FSTL5: variants seen among roughly 807,000 people sequenced by gnomAD.
FSTL5 encodes follistatin like 5.
FSTL5 carries 62 observed loss-of-function variants against 89.1 expected under a neutral mutation model. The observed-to-expected ratio is 0.70, with a 90% confidence interval of 0.57 to 0.86. FSTL5 has a LOEUF of 0.86. FSTL5 is among the 40% of genes least tolerant of loss of function. The pLI is 0.00. For missense variants in FSTL5, 1,057 were observed against 1,001.6 expected (o/e 1.06, Z -0.75); for synonymous variants, 383 against 346.2 (o/e 1.11, Z -1.18).
chr4:161,950,154 T>G (rs1230468389), intron 3 of FSTL5, among the ~76,000 whole-genome samples: 2 of 152,188 alleles, frequency 1.3e-5, no homozygotes, highest in Admixed American at 1.3e-4. Context: ...ATGAATTCAG[T>G]GCTGATGAGG....
Position 161,888,458 on chromosome 4 carries a change from A to G in FSTL5, c.409+31946T>C, listed in dbSNP as rs181363558. ...AATAGCATTTTAGATGTGTTACATC[A>G]CGACTGAGTTAGGAATTGTTTGTTA... On this transcript the variant is annotated intron_variant, in intron 4 of 15. Coordinates refer to ENST00000306100, the MANE Select transcript of FSTL5 (RefSeq NM_020116.5). Among the ~76,000 whole-genome samples, 268 of 152,332 alleles carry G rather than the reference A, an allele frequency of 1.8e-3. 8 individuals are homozygous for G. In the East Asian group the frequency reaches 0.044, roughly 25 times the overall value.
chr4:161,805,264 C>A (rs994691825), intron 4 of FSTL5, among the ~76,000 whole-genome samples: 78 of 152,130 alleles, frequency 5.1e-4, no homozygotes, highest in African/African-American at 1.5e-3. Flanking sequence ...TTCCAAGAAA[C>A]AACAACTAAG....
intron 12 of FSTL5, among the ~76,000 whole-genome samples, chr4:161,489,699 A>G (rs1729799531): frequency 1.3e-5 from 2 of 152,184 alleles, no homozygotes; most frequent in South Asian, 2.1e-4. Flanking sequence ...TAATTACCAC[A>G]TAACACATGA....
intron 13 of FSTL5, among the ~76,000 whole-genome samples, chr4:161,477,987 A>G (rs1398202614): frequency 6.6e-6 from 1 of 152,074 alleles, no homozygotes; most frequent in Non-Finnish European, 1.5e-5. Context: ...GAAGTTAAAT[A>G]TAATATAATA....
rs549351686 is a variant in FSTL5 at position 161,965,593 on chromosome 4, C to T, written c.161-44941G>A. On this transcript the variant is annotated intron_variant, in intron 3 of 15. Transcript: ENST00000306100. ...TCTAGTAGAAATGAACCAGGAAGGA[C>T]TGTGACCTACAAATCTACAGTGGAA... Among the ~76,000 whole-genome samples the T allele has an allele frequency of 3.0e-4, 46 of 152,172 alleles. 1 individual carries two copies. Among genetic ancestry groups the T allele is most frequent in the Middle Eastern group, 6.8e-3 (2 of 294 alleles).
chr4:161,943,091 A>G (rs1159727448), intron 3 of FSTL5, among the ~76,000 whole-genome samples: 2 of 152,108 alleles, frequency 1.3e-5, no homozygotes, highest in East Asian at 1.9e-4. Context: ...TAGCATGGAA[A>G]AGAATAAAAC....
At chr4:161,883,256 G>A (rs1732692346) in intron 4 of FSTL5, among the ~76,000 whole-genome samples, 1 of 152,170 alleles carries the variant, frequency 6.6e-6, no homozygotes. Flanking sequence ...CTGTCAGGAA[G>A]GGTTTGTTTT....
At chr4:161,839,984 G>A (rs532883967) in intron 4 of FSTL5, among the ~76,000 whole-genome samples, 4 of 152,130 alleles carry the variant, frequency 2.6e-5, no homozygotes, top group South Asian at 2.1e-4. Context: ...ACAGATAGAC[G>A]GTTAAAAATG....
chr4:161,492,453 C>T (rs1041178264), intron 12 of FSTL5, among the ~76,000 whole-genome samples: 15 of 152,180 alleles, frequency 9.9e-5, no homozygotes, highest in East Asian at 1.9e-4. Flanking sequence ...TTTAGTATAA[C>T]TTTCTGTTAA....
intron 2 of FSTL5, among the ~76,000 whole-genome samples, chr4:162,070,069 A>G (rs949554615): frequency 6.6e-6 from 1 of 151,686 alleles, no homozygotes; most frequent in Non-Finnish European, 1.5e-5. Context: ...TATAATAGCC[A>G]TTCTGTCTTG....
intron 6 of FSTL5, among the ~76,000 whole-genome samples, chr4:161,746,097 T>C (rs904146965): frequency 1.3e-5 from 2 of 152,110 alleles, no homozygotes; most frequent in African/African-American, 2.4e-5. Context: ...ATAAATTATT[T>C]TTGCTACAAT....
At chr4:161,818,687 T>C (rs1261727685) in intron 4 of FSTL5, among the ~76,000 whole-genome samples, 2 of 152,188 alleles carry the variant, frequency 1.3e-5, no homozygotes, top group Admixed American at 6.5e-5. Flanking sequence ...AATAATACTT[T>C]TGATTACTAT....
intron 6 of FSTL5, among the ~76,000 whole-genome samples, chr4:161,701,543 A>T (rs1738392619): frequency 6.6e-6 from 1 of 152,058 alleles, no homozygotes. Flanking sequence ...AGTTAACCAC[A>T]TTTTTATAAT....
At chr4:161,899,613 T>C (rs956818712) in intron 4 of FSTL5, among the ~76,000 whole-genome samples, 3 of 152,200 alleles carry the variant, frequency 2.0e-5, no homozygotes, top group Admixed American at 1.3e-4. Context: ...ATGTGTCAGA[T>C]ATTATTCTAG....
chr4:162,070,135 T>C (rs527409578), intron 2 of FSTL5, among the ~76,000 whole-genome samples: 1 of 151,874 alleles, frequency 6.6e-6, no homozygotes, highest in Admixed American at 6.6e-5. Flanking sequence ...ATAAGTTACA[T>C]CGGGGATTCG....
chr4:161,768,335 G>T (rs1182858436), intron 5 of FSTL5, among the ~76,000 whole-genome samples: 1 of 152,078 alleles, frequency 6.6e-6, no homozygotes, highest in Non-Finnish European at 1.5e-5. Context: ...TTCAAGGAAG[G>T]TAGATGTTGG....
At chr4:161,571,087 T>G (rs1732991343) in intron 8 of FSTL5, among the ~76,000 whole-genome samples, 1 of 151,098 alleles carries the variant, frequency 6.6e-6, no homozygotes, top group Admixed American at 6.6e-5. Context: ...CTAGCCTGGG[T>G]GACAGAGCAA....
chr4:162,009,979 T>TA (rs200387858), intron 3 of FSTL5, among the ~76,000 whole-genome samples: 6,634 of 142,944 alleles, frequency 0.046, 162 homozygotes, highest in Middle Eastern at 0.099. Context: ...GTTTGTTTTG[T>TA]AAAAAAAAAA....
chr4:161,960,715 C>T (rs1166015928), intron 3 of FSTL5, among the ~76,000 whole-genome samples: 1 of 151,954 alleles, frequency 6.6e-6, no homozygotes, highest in Non-Finnish European at 1.5e-5. Context: ...TCAATACTTA[C>T]TATTTATTTC....
Sources: gnomAD v4.1 joint callset for allele counts (sites outside exome capture counted in the v4.1 genomes callset) on GRCh38, gnomAD v4.1.1 for gene constraint, MANE v1.5 for transcripts, NCBI Gene and HGNC (gene_info 2026-07-23, HGNC 2026-07-21) for gene names.